ODAD2: variants seen among roughly 807,000 people sequenced by gnomAD.
ODAD2 encodes outer dynein arm-docking complex subunit 2.
Under a neutral mutation model 106.8 loss-of-function variants are expected in ODAD2, and 89 were observed. The ratio of observed to expected loss-of-function variants is 0.83; its 90% CI spans 0.70 to 0.99. The LOEUF (loss-of-function observed/expected upper bound fraction) is 0.99, where lower values mean the gene tolerates loss of function less well. Ranked by LOEUF, ODAD2 falls within the 50% of genes least tolerant of loss-of-function variation. The pLI, the probability that ODAD2 is intolerant of heterozygous loss-of-function variation, is 0.00. For missense variants in ODAD2, 1,168 were observed against 1,238.5 expected (o/e 0.94, Z 0.85); for synonymous variants, 404 against 436.2 (o/e 0.93, Z 0.92).
At chr10:27,835,564 A>G (rs924482473) in intron 19 of ODAD2, among the ~76,000 whole-genome samples, 4 of 152,138 alleles carry the variant, frequency 2.6e-5, no homozygotes, top group Non-Finnish European at 5.9e-5. Flanking sequence ...GACTGCCCCC[A>G]ATCTTAAGGA....
chr10:27,907,539 G>T, intron 17 of ODAD2, 124 bp downstream of exon 17: 1 of 596,034 alleles, frequency 1.7e-6, no homozygotes, highest in African/African-American at 1.8e-5. Flanking sequence ...TAAACATTGT[G>T]CAACCCTCTC....
Position 27,961,420 on chromosome 10 carries a change from T to G in ODAD2, c.1386+148A>C, listed in dbSNP as rs1848132233. On this transcript the variant is annotated intron_variant, in intron 10 of 19. Coordinates refer to ENST00000305242, the MANE Select transcript of ODAD2 (RefSeq NM_018076.5). ...CTTGCATCCTCAGGGTAATAAGACC[T>G]TGCCCTGCACAAACTTAGATAAAAC... The G allele has an allele frequency of 5.3e-6, 4 of 749,136 alleles. No homozygotes were observed. The East Asian group carries it at 8.3e-5, about 16-fold the overall frequency. 46.4% of individuals were successfully genotyped at this position (749,136 alleles called of 1,614,324 possible).
intron 19 of ODAD2, among the ~76,000 whole-genome samples, chr10:27,857,566 T>C (rs1277533897): frequency 6.6e-6 from 1 of 152,216 alleles, no homozygotes; most frequent in East Asian, 1.9e-4. Flanking sequence ...TAATATTACA[T>C]ACATGGCTTA....
chr10:27,909,763 A>G (rs1843860506), intron 16 of ODAD2, among the ~76,000 whole-genome samples: 2 of 133,092 alleles, frequency 1.5e-5, no homozygotes, highest in African/African-American at 2.8e-5. Flanking sequence ...GGTTGCAGTG[A>G]GTCGAGATTG....
intron 19 of ODAD2, among the ~76,000 whole-genome samples, chr10:27,828,619 T>G (rs1171312700): frequency 6.6e-6 from 1 of 152,218 alleles, no homozygotes; most frequent in South Asian, 2.1e-4. Flanking sequence ...TATGGTTATG[T>G]TCATAATTTA....
chr10:27,844,646 T>C (rs1838582410), intron 19 of ODAD2, among the ~76,000 whole-genome samples: 1 of 152,216 alleles, frequency 6.6e-6, no homozygotes, highest in African/African-American at 2.4e-5. Context: ...AGATAATAAG[T>C]TTCCAACTCA....
At chr10:27,970,684 C>T (rs1447665961) in intron 8 of ODAD2, among the ~76,000 whole-genome samples, 3 of 152,126 alleles carry the variant, frequency 2.0e-5, no homozygotes, top group Admixed American at 1.3e-4. Context: ...AAAGTTCTGG[C>T]CAGACGCAGT....
chr10:27,926,323 G>A (rs577251362), intron 16 of ODAD2, among the ~76,000 whole-genome samples: 91 of 151,064 alleles, frequency 6.0e-4, no homozygotes, highest in Non-Finnish European at 1.2e-3. Flanking sequence ...AAAGTAGCGG[G>A]ATATAGAATT....
intron 16 of ODAD2, among the ~76,000 whole-genome samples, chr10:27,932,473 A>T (rs368517194): frequency 1.3e-5 from 2 of 152,240 alleles, no homozygotes; most frequent in East Asian, 1.9e-4. Flanking sequence ...AGTCACAGAA[A>T]GATTAAAAGA....
chr10:27,952,953 G>A (rs1847464146), intron 10 of ODAD2, among the ~76,000 whole-genome samples: 1 of 152,004 alleles, frequency 6.6e-6, no homozygotes, highest in Non-Finnish European at 1.5e-5. Context: ...TTCTCAAACT[G>A]TAGTGTGCAT....
At chr10:27,978,495 A>G (rs1849331300) in intron 7 of ODAD2, among the ~76,000 whole-genome samples, 1 of 152,184 alleles carries the variant, frequency 6.6e-6, no homozygotes, top group Admixed American at 6.5e-5. Context: ...GGGTGCACCA[A>G]GAAAAGGAAA....
chr10:27,955,696 GGTGTGTGTGTGTGTGT>G (rs56731384), intron 10 of ODAD2, among the ~76,000 whole-genome samples: 76 of 143,000 alleles, frequency 5.3e-4, no homozygotes, highest in South Asian at 1.6e-3. Context: ...AACCAATTAA[GGTGTGTGTGTGTGTGT>G]GTGTGTGTGT....
chr10:27,969,146 G>A, intron 8 of ODAD2, 128 bp from the exon 9 acceptor site: 1 of 634,802 alleles, frequency 1.6e-6, no homozygotes, highest in Non-Finnish European at 2.7e-6. Flanking sequence ...CCTGACAAGA[G>A]TTCCAGCCTC....
chr10:27,836,326 G>C (rs1837886787), intron 19 of ODAD2, among the ~76,000 whole-genome samples: 1 of 152,056 alleles, frequency 6.6e-6, no homozygotes, highest in Non-Finnish European at 1.5e-5. Context: ...CTTGGCAGCA[G>C]AACTCAGGGC....
intron 16 of ODAD2, among the ~76,000 whole-genome samples, chr10:27,933,377 C>A (rs947334116): frequency 6.6e-6 from 1 of 152,088 alleles, no homozygotes; most frequent in Non-Finnish European, 1.5e-5. Context: ...AAGTTAAGCA[C>A]CTTAGTATTA....
At chr10:27,898,273 T>C (rs1231773017) in intron 17 of ODAD2, among the ~76,000 whole-genome samples, 1 of 152,168 alleles carries the variant, frequency 6.6e-6, no homozygotes, top group Non-Finnish European at 1.5e-5. Context: ...ATATTCATCT[T>C]AGTATTCATC....
intron 19 of ODAD2, 73 bp from the exon 20 acceptor site, chr10:27,812,698 G>C (rs1310862905): frequency 2.1e-6 from 3 of 1,462,176 alleles, no homozygotes; most frequent in African/African-American, 2.9e-5. Flanking sequence ...AGTTAGGCTA[G>C]GAAAATAATT....
chr10:27,900,909 A>T (rs1843154463), intron 17 of ODAD2, among the ~76,000 whole-genome samples: 1 of 152,230 alleles, frequency 6.6e-6, no homozygotes, highest in African/African-American at 2.4e-5. Context: ...TATCCAGCAG[A>T]ACTTCCCCAA....
chr10:27,993,849 T>C (rs1800471781), intron 2 of ODAD2, among the ~76,000 whole-genome samples: 1 of 152,088 alleles, frequency 6.6e-6, no homozygotes, highest in South Asian at 2.1e-4. Flanking sequence ...TTTGGCTAGC[T>C]AGGGAACTGT....
Sources: allele counts gnomAD v4.1 joint callset (sites outside exome capture counted in the v4.1 genomes callset), GRCh38; gene constraint gnomAD v4.1.1; transcripts MANE v1.5; gene names NCBI Gene and HGNC (gene_info 2026-07-23, HGNC 2026-07-21).